CCDC178: variants seen among roughly 807,000 people sequenced by gnomAD.
CCDC178 encodes coiled-coil domain containing 178.
Under a neutral mutation model 117.4 loss-of-function variants are expected in CCDC178, and 126 were observed. The ratio of observed to expected loss-of-function variants is 1.07; its 90% CI spans 0.93 to 1.24. CCDC178 has a LOEUF of 1.24. Ranked by LOEUF, CCDC178 falls within the 50% of genes most tolerant of loss-of-function variation. The pLI, the probability that CCDC178 is intolerant of heterozygous loss-of-function variation, is 0.00. For missense variants in CCDC178, 1,030 were observed against 986.9 expected, an observed-to-expected ratio of 1.04 and a Z score of -0.59; for synonymous variants, 283 against 313.4, an observed-to-expected ratio of 0.90 and a Z score of 1.02.
At chr18:33,299,366 C>A (rs1445773354) in intron 11 of CCDC178, among the ~76,000 whole-genome samples, 1 of 151,998 alleles carries the variant, frequency 6.6e-6, no homozygotes, top group African/African-American at 2.4e-5. Context: ...ACAGTCTCTT[C>A]AATAAATGGT....
At chr18:33,205,651 T>C (rs2059037416) in intron 20 of CCDC178, among the ~76,000 whole-genome samples, 2 of 152,240 alleles carry the variant, frequency 1.3e-5, no homozygotes, top group South Asian at 4.1e-4. Context: ...CATTGACTTA[T>C]TTGCTCAGAA....
intron 12 of CCDC178, among the ~76,000 whole-genome samples, chr18:33,280,619 C>T (rs2060011946): frequency 6.6e-6 from 1 of 151,820 alleles, no homozygotes; most frequent in Non-Finnish European, 1.5e-5. Flanking sequence ...ACCCAAAGGA[C>T]TATAAATCAT....
intron 11 of CCDC178, among the ~76,000 whole-genome samples, chr18:33,317,423 C>A (rs535885827): frequency 1.3e-5 from 2 of 152,290 alleles, no homozygotes; most frequent in African/African-American, 4.8e-5. Context: ...GGACACGCCG[C>A]CTTTAAGAAC....
At chr18:33,218,961 T>G (rs1599015279) in intron 18 of CCDC178, among the ~76,000 whole-genome samples, 1 of 152,186 alleles carries the variant, frequency 6.6e-6, no homozygotes. Context: ...ATATGAACTT[T>G]AAAGTAGTTT....
chr18:32,965,791 C>T (rs376314466), intron 22 of CCDC178, among the ~76,000 whole-genome samples: 8 of 151,166 alleles, frequency 5.3e-5, no homozygotes, highest in East Asian at 1.9e-4. Context: ...AGCATGATGA[C>T]GGAAAACAAA....
At chr18:33,261,901 C>G (rs1374376016) in intron 14 of CCDC178, among the ~76,000 whole-genome samples, 2 of 152,066 alleles carry the variant, frequency 1.3e-5, no homozygotes, top group Non-Finnish European at 2.9e-5. Flanking sequence ...ATTTGGTACT[C>G]TCTTCATAGA....
In CCDC178 at chr18:33,212,048, A is replaced by G. The variant is rs1281668007; in HGVS notation, c.2086T>C (p.Phe696Leu). The G allele has an allele frequency of 1.3e-6, 2 of 1,571,920 alleles. No homozygotes were observed. The highest frequency in any genetic ancestry group is 2.8e-5 in the African/African-American group (2 of 72,050). ...DQTLEILKNKFITMRFKREHA... is the reference protein window; with the variant it reads ...DQTLEILKNKLITMRFKREHA... ...TCCCTTTTAAATCTCATAGTTATAA[A>G]TTTGTTCCTGTGAAGAAAGAATTCC... The change falls in exon 20 of 23, where the codon TTT (phenylalanine) becomes CTT (leucine). Residue 696 changes from phenylalanine to leucine, a missense_variant. Physicochemically the swap from Phe to Leu is conservative, Grantham distance 22. Transcript: ENST00000383096.
intron 20 of CCDC178, among the ~76,000 whole-genome samples, chr18:33,098,348 G>C (rs991166056): frequency 4.6e-5 from 7 of 151,974 alleles, no homozygotes; most frequent in African/African-American, 1.4e-4. Flanking sequence ...TTTGGATCCA[G>C]TTTACCAGGC....
intron 20 of CCDC178, among the ~76,000 whole-genome samples, chr18:33,187,180 A>G (rs2058806370): frequency 6.6e-6 from 1 of 151,962 alleles, no homozygotes; most frequent in African/African-American, 2.4e-5. Context: ...ACTCACTATC[A>G]TGAGAACAGC....
intron 20 of CCDC178, among the ~76,000 whole-genome samples, chr18:33,108,227 C>G (rs2057734092): frequency 6.6e-6 from 1 of 151,546 alleles, no homozygotes; most frequent in Non-Finnish European, 1.5e-5. Flanking sequence ...TCAAACATAT[C>G]TATGTCATTA....
At chr18:33,236,491 G>C (rs895892676) in intron 15 of CCDC178, among the ~76,000 whole-genome samples, 8 of 152,120 alleles carry the variant, frequency 5.3e-5, no homozygotes, top group African/African-American at 1.4e-4. Context: ...CATTGGGAAT[G>C]GTTTCTTAAG....
chr18:33,246,694 C>T (rs890205505), intron 14 of CCDC178, among the ~76,000 whole-genome samples: 1 of 151,666 alleles, frequency 6.6e-6, no homozygotes. Context: ...ACCAGATGAG[C>T]GACCAGTGCA....
chr18:33,217,138 C>A (rs921553291), intron 18 of CCDC178, among the ~76,000 whole-genome samples: 1 of 151,988 alleles, frequency 6.6e-6, no homozygotes, highest in Non-Finnish European at 1.5e-5. Context: ...TTGTTTCTTG[C>A]ACTATTAATT....
intron 12 of CCDC178, among the ~76,000 whole-genome samples, chr18:33,289,233 A>G (rs548554831): frequency 6.6e-6 from 1 of 152,334 alleles, no homozygotes; most frequent in South Asian, 2.1e-4. Flanking sequence ...GACAAAATTA[A>G]GACATTTAAA....
intron 9 of CCDC178, 111 bp from the exon 10 acceptor site, chr18:33,333,505 ACTTT>A: frequency 5.6e-6 from 2 of 356,910 alleles, no homozygotes; most frequent in Non-Finnish European, 9.3e-6. Flanking sequence ...GAATCTTACT[ACTTT>A]TTTTTTTTTT....
At chr18:33,366,376 T>A (rs1476966743) in intron 6 of CCDC178, among the ~76,000 whole-genome samples, 1 of 152,010 alleles carries the variant, frequency 6.6e-6, no homozygotes, top group Non-Finnish European at 1.5e-5. Context: ...TTGGCCAGCC[T>A]GTCCTTCCTC....
chr18:33,044,040 C>CACAG (rs201484629), intron 21 of CCDC178, among the ~76,000 whole-genome samples: 1 of 150,486 alleles, frequency 6.6e-6, no homozygotes, highest in African/African-American at 2.4e-5. Context: ...CACACACACA[C>CACAG]CAGCATATGT....
At chr18:33,284,896 G>GAA (rs2060078370) in intron 12 of CCDC178, among the ~76,000 whole-genome samples, 2 of 151,450 alleles carry the variant, frequency 1.3e-5, no homozygotes, top group African/African-American at 4.9e-5. Flanking sequence ...CTGTACTGTA[G>GAA]CTCTTGGGGA....
intron 12 of CCDC178, 102 bp downstream of exon 12, chr18:33,293,056 TA>T: frequency 1.1e-5 from 8 of 727,002 alleles, no homozygotes; most frequent in Non-Finnish European, 1.5e-5. Context: ...TGGCTAAATA[TA>T]AAAAAATTGG....
Sources: gnomAD v4.1 joint callset for allele counts (sites outside exome capture counted in the v4.1 genomes callset) on GRCh38, gnomAD v4.1.1 for gene constraint, MANE v1.5 for transcripts, NCBI Gene and HGNC (gene_info 2026-07-23, HGNC 2026-07-21) for gene names.